GRB10: variants seen among roughly 807,000 people sequenced by gnomAD.
GRB10 encodes growth factor receptor-bound protein 10.
In GRB10, 20 loss-of-function variants were observed where a neutral mutation model predicts 80.9. The observed-to-expected ratio is 0.25, with a 90% CI of 0.17 to 0.36. The LOEUF (loss-of-function observed/expected upper bound fraction) is 0.36, where lower values mean the gene tolerates loss of function less well. Among genes scored for constraint, GRB10 ranks in the 10% least tolerant of loss-of-function variants. The pLI is 1.00. For synonymous variants in GRB10, 291 were observed against 291.5 expected (o/e 1.00, Z 0.02); for missense variants, 548 against 747.7 (o/e 0.73, Z 3.12).
chr7:50,754,040 T>A (rs1587871849), intron 3 of GRB10, among the ~76,000 whole-genome samples: 2 of 152,244 alleles, frequency 1.3e-5, no homozygotes, highest in South Asian at 4.1e-4. Context: ...CAATGAAGGA[T>A]CTTGGGCAAT....
intron 7 of GRB10, among the ~76,000 whole-genome samples, chr7:50,663,499 T>C (rs2059488172): frequency 6.6e-6 from 1 of 152,206 alleles, no homozygotes; most frequent in African/African-American, 2.4e-5. Flanking sequence ...CTCACAGGGA[T>C]AATGGCATCC....
rs567969511 is a variant in GRB10 at position 50,756,593 on chromosome 7, A to G, written c.-216-537T>C. On this transcript the variant is annotated intron_variant, in intron 2 of 18. Transcript: ENST00000401949. ...GCAGAGCAGGCAGACCTGGGGTTCC[A>G]ATTCTGGCTCTGATCTTTGATTCAT... Among the ~76,000 whole-genome samples, 4 of 152,304 alleles carry G rather than the reference A, an allele frequency of 2.6e-5. No individual in the cohort carries two copies. In the East Asian group the frequency reaches 7.7e-4, roughly 29 times the overall value.
intron 4 of GRB10, among the ~76,000 whole-genome samples, chr7:50,704,447 A>C (rs2064747534): frequency 6.6e-6 from 1 of 152,222 alleles, no homozygotes; most frequent in African/African-American, 2.4e-5. Flanking sequence ...TAATTCTAGA[A>C]ACACACCTGC....
intron 3 of GRB10, among the ~76,000 whole-genome samples, chr7:50,742,314 C>CACACACACACACAT (rs1563676656): frequency 1.4e-5 from 2 of 148,020 alleles, no homozygotes; most frequent in African/African-American, 5.1e-5. Context: ...CACACACACA[C>CACACACACACACAT]ATACACGGCA....
intron 7 of GRB10, among the ~76,000 whole-genome samples, chr7:50,644,745 C>G (rs1372537529): frequency 2.0e-5 from 3 of 152,188 alleles, no homozygotes; most frequent in Non-Finnish European, 4.4e-5. Flanking sequence ...TCTACACAGC[C>G]CACTGGGCCA....
intron 5 of GRB10, among the ~76,000 whole-genome samples, chr7:50,684,483 T>A (rs2715137): frequency 0.074 from 11,187 of 152,140 alleles, 1,406 homozygotes; most frequent in African/African-American, 0.26. Context: ...TCCTTTTCCT[T>A]GGTTTCATCC....
chr7:50,711,818 T>TATA (rs770162440), intron 4 of GRB10, among the ~76,000 whole-genome samples: 11 of 152,178 alleles, frequency 7.2e-5, no homozygotes, highest in Non-Finnish European at 1.5e-4. Flanking sequence ...CTACTAATAT[T>TATA]ATAGTTCCTG....
chr7:50,693,624 G>A (rs1279022759), intron 5 of GRB10, among the ~76,000 whole-genome samples: 1 of 152,132 alleles, frequency 6.6e-6, no homozygotes, highest in African/African-American at 2.4e-5. Flanking sequence ...CCTGGGTTAT[G>A]ACTCCAGCAA....
At chr7:50,792,462 T>A (rs2078967322) in intron 1 of GRB10, 1 of 398,372 alleles carries the variant, frequency 2.5e-6, no homozygotes, top group East Asian at 3.6e-5. Context: ...ATAACGCACA[T>A]GCTCCAAGGC....
chr7:50,681,961 C>T (rs1271130790), intron 5 of GRB10, among the ~76,000 whole-genome samples: 5 of 152,132 alleles, frequency 3.3e-5, no homozygotes, highest in Non-Finnish European at 7.3e-5. Flanking sequence ...CTCTGAGCCC[C>T]GGGTTGATGA....
chr7:50,785,186 A>G (rs923034539), upstream of GRB10, among the ~76,000 whole-genome samples: 1 of 152,158 alleles, frequency 6.6e-6, no homozygotes, highest in Non-Finnish European at 1.5e-5. Context: ...GCCCCACAAC[A>G]AGCAACCAGG....
intron 5 of GRB10, among the ~76,000 whole-genome samples, chr7:50,684,098 A>G (rs1393767977): frequency 6.6e-6 from 1 of 152,154 alleles, no homozygotes; most frequent in Non-Finnish European, 1.5e-5. Context: ...GGCTCATTAA[A>G]TTAAACTTAT....
chr7:50,743,913 A>C (rs1332314825), intron 3 of GRB10, among the ~76,000 whole-genome samples: 1 of 152,152 alleles, frequency 6.6e-6, no homozygotes, highest in Non-Finnish European at 1.5e-5. Flanking sequence ...TAACCACAGA[A>C]AACAGCCTAG....
Position 50,788,297 on chromosome 7 carries a change from C to T in GRB10, c.-294+4927G>A, listed in dbSNP as rs568354341. The stretch of plus-strand genomic sequence containing the variant: ...TGCACATCAGAGAAGTGGGGACCTG[C>T]CATCTCAGTGGGGCCCAGGTAGCTT... On this transcript the variant is annotated intron_variant, in intron 1 of 16. Coordinates refer to the GRB10 transcript ENST00000335866. Among the ~76,000 whole-genome samples, 9 of 152,302 alleles carry T rather than the reference C, an allele frequency of 5.9e-5. 1 individual carries two copies. In the East Asian group the frequency reaches 1.2e-3, roughly 20 times the overall value.
chr7:50,698,541 G>A (rs1409131226), intron 5 of GRB10, among the ~76,000 whole-genome samples: 1 of 152,202 alleles, frequency 6.6e-6, no homozygotes, highest in Admixed American at 6.5e-5. Context: ...GCCACCCCAT[G>A]TGAACAGTCA....
At chr7:50,793,009 C>T (rs1480905373) in intron 1 of GRB10, 1 of 143,030 alleles carries the variant, frequency 7.0e-6, no homozygotes, top group African/African-American at 2.5e-5. Flanking sequence ...GTCCCGCCTC[C>T]GAGCACCGCC....
At chr7:50,642,610 G>A (rs977276918) in intron 7 of GRB10, among the ~76,000 whole-genome samples, 6 of 152,018 alleles carry the variant, frequency 3.9e-5, no homozygotes, top group Admixed American at 2.0e-4. Context: ...CAACGGAAAC[G>A]CTCATTGGAG....
chr7:50,760,351 C>A (rs1240839196), intron 2 of GRB10, among the ~76,000 whole-genome samples: 2 of 152,116 alleles, frequency 1.3e-5, no homozygotes, highest in Non-Finnish European at 2.9e-5. Flanking sequence ...AATATCATAG[C>A]ACTTAGGAGA....
intron 4 of GRB10, among the ~76,000 whole-genome samples, chr7:50,719,766 C>T (rs1342670202): frequency 6.6e-6 from 1 of 152,102 alleles, no homozygotes; most frequent in African/African-American, 2.4e-5. Flanking sequence ...ATAAATGCTA[C>T]AACCAGCTCC....
Sources: gnomAD v4.1 joint callset for allele counts (sites outside exome capture counted in the v4.1 genomes callset) on GRCh38, gnomAD v4.1.1 for gene constraint, MANE v1.5 for transcripts, NCBI Gene and HGNC (gene_info 2026-07-23, HGNC 2026-07-21) for gene names.